Variants in GRID1 observed in about 807,000 individuals in gnomAD.
The protein encoded by GRID1 is glutamate receptor ionotropic, delta-1.
Under a neutral mutation model 98.0 loss-of-function variants are expected in GRID1, and 28 were observed. The observed-to-expected ratio is 0.29, with a 90% CI of 0.21 to 0.39. GRID1 has a LOEUF of 0.39. GRID1 is among the 10% of genes least tolerant of loss of function. The pLI is 1.00. For synonymous variants in GRID1, 553 were observed against 538.5 expected, an observed-to-expected ratio of 1.03 and a Z score of -0.37; for missense variants, 1,111 against 1,340.5, an observed-to-expected ratio of 0.83 and a Z score of 2.67.
chr10:86,244,722 G>A (rs1264177360), intron 2 of GRID1, among the ~76,000 whole-genome samples: 1 of 152,340 alleles, frequency 6.6e-6, no homozygotes, highest in Non-Finnish European at 1.5e-5. Context: ...AATGCCACAT[G>A]CCCAAAGAAA....
chr10:86,152,643 G>A (rs542925246), intron 3 of GRID1, among the ~76,000 whole-genome samples: 29 of 152,338 alleles, frequency 1.9e-4, no homozygotes, highest in East Asian at 1.2e-3. Context: ...GCCTGGGCAC[G>A]GCTCTTAAGC....
chr10:85,789,736 A>G lies in GRID1; in HGVS notation c.1234-60122T>C, dbSNP rs570692544. 9.2e-5 allele frequency among the ~76,000 whole-genome samples: 14 copies of G among 152,248 alleles called. No homozygotes were observed. The South Asian group carries it at 2.9e-3, about 32-fold the overall frequency. On this transcript the variant is annotated intron_variant, in intron 8 of 15. Transcript: ENST00000327946. ...GGATGGGACAATCCCCCAGGAACCC[A>G]GGAGATTTAGGGGCCTCACAGTCAG...
chr10:86,238,833 A>G (rs1846582014), intron 2 of GRID1, among the ~76,000 whole-genome samples: 1 of 152,166 alleles, frequency 6.6e-6, no homozygotes, highest in African/African-American at 2.4e-5. Context: ...CAAAGGATGT[A>G]TGAAAATGCC....
chr10:85,707,128 A>C (rs542015733), intron 12 of GRID1, among the ~76,000 whole-genome samples: 188 of 152,316 alleles, frequency 1.2e-3, no homozygotes, highest in Non-Finnish European at 1.6e-3. Flanking sequence ...TAATTAAACT[A>C]AATAGCTTCT....
At chr10:85,990,560 C>T (rs182073583) in intron 4 of GRID1, among the ~76,000 whole-genome samples, 1 of 152,270 alleles carries the variant, frequency 6.6e-6, no homozygotes, top group East Asian at 1.9e-4. Context: ...AGAAAAACCA[C>T]AAGGAAGCAG....
chr10:85,719,182 T>C (rs180990132), intron 12 of GRID1, among the ~76,000 whole-genome samples: 1 of 152,338 alleles, frequency 6.6e-6, no homozygotes, highest in Admixed American at 6.5e-5. Context: ...CTGGACCTTA[T>C]TGTTTGTTTC....
rs143728306 is a variant in GRID1, at chr10:86,237,438, C to G, written c.236-30790G>C. ...GCACCTGGATGGGCACAGTGGCTCACGCCTGTAATCCCAACACTTTTGGAG... is the reference window on the plus strand; with the variant it reads ...GCACCTGGATGGGCACAGTGGCTCAGGCCTGTAATCCCAACACTTTTGGAG... On this transcript the variant is annotated intron_variant, in intron 2 of 15. Transcript: ENST00000327946. Among the ~76,000 whole-genome samples the G allele has an allele frequency of 5.3e-3, 801 of 152,284 alleles. 7 individuals carry two copies. The highest frequency in any genetic ancestry group is 0.018 in the African/African-American group (741 of 41,562).
chr10:85,925,385 T>C (rs944137559), intron 4 of GRID1, among the ~76,000 whole-genome samples: 1 of 152,302 alleles, frequency 6.6e-6, no homozygotes, highest in African/African-American at 2.4e-5. Flanking sequence ...ACAAATCACT[T>C]CTGAGATTAT....
intron 4 of GRID1, among the ~76,000 whole-genome samples, chr10:86,056,930 T>C (rs538439604): frequency 2.4e-4 from 37 of 152,348 alleles, no homozygotes; most frequent in African/African-American, 7.7e-4. Flanking sequence ...AGAAGATGCC[T>C]TGTGCTTCCT....
chr10:86,340,537 T>C, intron 2 of GRID1, among the ~76,000 whole-genome samples: 1 of 151,862 alleles, frequency 6.6e-6, no homozygotes, highest in East Asian at 1.9e-4. Context: ...TATCAAGGGG[T>C]GGAGCCAAGC....
chr10:86,202,742 C>T (rs1187535747), intron 3 of GRID1, among the ~76,000 whole-genome samples: 1 of 152,224 alleles, frequency 6.6e-6, no homozygotes, highest in African/African-American at 2.4e-5. Flanking sequence ...CTCAAATGCC[C>T]AGTCCTCAGG....
chr10:85,810,071 G>T, intron 8 of GRID1, among the ~76,000 whole-genome samples: 1 of 151,856 alleles, frequency 6.6e-6, no homozygotes, highest in Non-Finnish European at 1.5e-5. Context: ...AGTGTGCTCT[G>T]CCCTGGGGGC....
At chr10:85,674,415 C>A (rs1482960715) in intron 12 of GRID1, among the ~76,000 whole-genome samples, 1 of 152,246 alleles carries the variant, frequency 6.6e-6, no homozygotes, top group South Asian at 2.1e-4. Flanking sequence ...AAGTTCAAGA[C>A]AGAAAAATTA....
chr10:85,996,189 C>T (rs1227228903), intron 4 of GRID1, among the ~76,000 whole-genome samples: 2 of 152,148 alleles, frequency 1.3e-5, no homozygotes, highest in Non-Finnish European at 2.9e-5. Flanking sequence ...TCCAAAATTG[C>T]TCAGAATAAG....
intron 6 of GRID1, 23 bp from the exon 7 acceptor site, chr10:85,856,213 ACCC>A: frequency 1.2e-6 from 2 of 1,610,620 alleles, no homozygotes; most frequent in Non-Finnish European, 1.7e-6. Context: ...AGGCAGTGAA[ACCC>A]TTTCCACAGG....
chr10:86,025,997 C>T (rs946803830), intron 4 of GRID1, among the ~76,000 whole-genome samples: 3 of 152,244 alleles, frequency 2.0e-5, no homozygotes, highest in African/African-American at 7.2e-5. Flanking sequence ...AAGGCCACAC[C>T]ACCCTCTGGC....
intron 4 of GRID1, among the ~76,000 whole-genome samples, chr10:85,980,839 A>G (rs905021881): frequency 1.3e-5 from 2 of 152,224 alleles, no homozygotes; most frequent in Non-Finnish European, 2.9e-5. Flanking sequence ...TGAGAGTCAC[A>G]TGGCTTCTCT....
intron 10 of GRID1, among the ~76,000 whole-genome samples, chr10:85,726,260 T>C (rs1266462064): frequency 1.3e-5 from 2 of 151,830 alleles, no homozygotes; most frequent in African/African-American, 2.4e-5. Flanking sequence ...TTGGGAAGGA[T>C]AGAAGATTCT....
intron 12 of GRID1, among the ~76,000 whole-genome samples, chr10:85,663,900 C>A (rs1233074269): frequency 6.6e-6 from 1 of 152,146 alleles, no homozygotes; most frequent in Non-Finnish European, 1.5e-5. Context: ...CCAGCCCAAT[C>A]CAGGTATTGA....
Sources: gnomAD v4.1 joint callset for allele counts (sites outside exome capture counted in the v4.1 genomes callset) on GRCh38, gnomAD v4.1.1 for gene constraint, MANE v1.5 for transcripts, NCBI Gene and HGNC (gene_info 2026-07-23, HGNC 2026-07-21) for gene names.